SNX17: variants seen among roughly 807,000 people sequenced by gnomAD.
SNX17 encodes the protein sorting nexin 17, also known as sorting nexin-17.
SNX17 carries 35 observed loss-of-function variants against 64.3 expected under a neutral mutation model. The observed-to-expected ratio is 0.54, with a 90% CI of 0.42 to 0.72. SNX17 has a LOEUF of 0.72. Among genes scored for constraint, SNX17 ranks in the 30% least tolerant of loss-of-function variants. SNX17 has a pLI of 0.00. For missense variants in SNX17, 538 were observed against 610.0 expected (o/e 0.88, Z 1.24); for synonymous variants, 259 against 230.2 (o/e 1.13, Z -1.13).
At chr2:27,372,109 C>T (rs1682666110) in intron 2 of SNX17, among the ~76,000 whole-genome samples, 1 of 152,186 alleles carries the variant, frequency 6.6e-6, no homozygotes, top group African/African-American at 2.4e-5. Context: ...GTCTCAAACT[C>T]CTGACCTCAG....
chr2:27,376,102 TC>T lies in SNX17; in HGVS notation c.1105-3del, dbSNP rs1683188524. The T allele has an allele frequency of 6.2e-7, 1 of 1,614,050 alleles. No homozygotes were observed. The highest frequency in any genetic ancestry group is 8.5e-7 in the Non-Finnish European group (1 of 1,180,024). On this transcript the variant is annotated splice_polypyrimidine_tract_variant and splice_region_variant and intron_variant, in intron 11 of 14. Coordinates refer to ENST00000233575, the MANE Select transcript of SNX17 (RefSeq NM_014748.4). ...ATCAAGCTGGACACTCTTCTTGCCC[TC>T]AGGCTATCATGATGAGCATCTGCTT...
rs1265230927 is a variant in SNX17, at chr2:27,375,297, C to T, written c.774+144C>T. 1 of 897,946 alleles carries T rather than the reference C, an allele frequency of 1.1e-6. No homozygotes were observed. The highest frequency in any genetic ancestry group is 1.7e-6 in the Non-Finnish European group (1 of 588,496). The allele number at this position is 897,946 out of a possible 1,614,324, so 55.6% of individuals were successfully genotyped here. A position where few individuals can be genotyped will look rare whatever the true frequency, so the allele number is the denominator to read the frequency against. ...GGGACTACAGGCACCCGCCACGACG[C>T]CCGGCTAATTTTTTGTATTTTTGGG... On this transcript the variant is annotated intron_variant, in intron 9 of 14. Coordinates refer to ENST00000233575, the MANE Select transcript of SNX17 (RefSeq NM_014748.4). This position sits in a 1 kb window ranked among gnomAD's most constrained non-coding sequence, Gnocchi z 4.1.
Position 27,377,164 on chromosome 2 carries a change from T to C in SNX17, c.*445T>C. 2.3e-6 allele frequency: 1 copy of C among 427,406 alleles called. No individual in the cohort carries two copies. The highest frequency in any genetic ancestry group is 4.4e-6 in the Non-Finnish European group (1 of 228,770). 26.5% of individuals were successfully genotyped at this position (427,406 alleles called of 1,614,324 possible). On this transcript the variant is annotated 3_prime_UTR_variant, in exon 15 of 15. Transcript: ENST00000233575. This position sits in a 1 kb window ranked among gnomAD's most constrained non-coding sequence, Gnocchi z 4.4. ...CCTCTCACTGCCCCTGCTTCCCCCA[T>C]CACAGCATGGACTACTATGCTAAGG...
In SNX17 at chr2:27,377,352, G is replaced by GGGCC; in HGVS notation, c.*634_*637dup. The GGGCC allele has an allele frequency of 1.4e-6, 1 of 715,822 alleles. No individual in the cohort carries two copies. The highest frequency in any genetic ancestry group is 2.5e-6 in the Non-Finnish European group (1 of 397,900). The allele number at this position is 715,822 out of a possible 1,614,324, so 44.3% of individuals were successfully genotyped here. A position where few individuals can be genotyped will look rare whatever the true frequency, so the allele number is the denominator to read the frequency against. On this transcript the variant is annotated 3_prime_UTR_variant, in exon 15 of 15. Transcript: ENST00000233575. The surrounding 1 kb of genome is among the most constrained non-coding windows in gnomAD (Gnocchi z 4.4). ...CCTGGGGGCAGTGGAGGTGAATACA[G>GGGCC]GGCCCTTCTCACTGAGCTCGTGAAG...
Position 27,374,406 on chromosome 2 carries a change from A to C in SNX17, c.584A>C (p.Gln195Pro). The part of the protein sequence containing the change: ...PYVSVTSLRS[Q>P]EYKIVLRKSY... The stretch of plus-strand genomic sequence containing the variant: ...GTGTCTGTCACCAGCCTTCGGAGTC[A>C]AGAGTATAAGATTGTGCTAAGGAAG... The change falls in exon 7 of 15, where the codon CAA (glutamine) becomes CCA (proline). Residue 195 changes from glutamine (Q) to proline (P), a missense_variant. Physicochemically the swap from Gln to Pro is moderately conservative, Grantham distance 76. This residue lies in a region of SNX17 where 505 missense variants were observed against 550.4 expected (regional missense o/e 0.92). Coordinates refer to ENST00000233575, the MANE Select transcript of SNX17 (RefSeq NM_014748.4). 1 of 1,613,900 alleles carries C rather than the reference A, an allele frequency of 6.2e-7. No homozygotes were observed. The highest frequency in any genetic ancestry group is 1.1e-5 in the South Asian group (1 of 91,062).
chr2:27,370,899 C>T (rs562451801), intron 1 of SNX17, 93 bp downstream of exon 1: 1 of 1,394,078 alleles, frequency 7.2e-7, no homozygotes, highest in East Asian at 2.5e-5. Flanking sequence ...TGACCGCCAC[C>T]CTTCGGGCCT....
intron 2 of SNX17, 83 bp downstream of exon 2, chr2:27,371,426 T>C (rs996669418): frequency 2.0e-6 from 3 of 1,510,778 alleles, no homozygotes; most frequent in African/African-American, 2.8e-5. Flanking sequence ...CCCGCTCTTC[T>C]TGTTCCCGTA....
In SNX17 at chr2:27,370,719, C is replaced by T; in HGVS notation, c.-25C>T. 1 of 1,541,870 alleles carries T rather than the reference C, an allele frequency of 6.5e-7. No homozygotes were observed. Among genetic ancestry groups the T allele is most frequent in the Non-Finnish European group, 8.8e-7 (1 of 1,141,376 alleles). On this transcript the variant is annotated 5_prime_UTR_variant, in exon 1 of 15. Coordinates refer to ENST00000233575, the MANE Select transcript of SNX17 (RefSeq NM_014748.4). ...CGCTGCGGCCCTCACAGTCCGGAGC[C>T]CGGCCGTGCCGTGCCGTAGGGAACA...
At position 27,375,379 on chromosome 2, in the gene SNX17, C is replaced by T. The variant is rs1683085135; in HGVS notation, c.775-127C>T. On this transcript the variant is annotated intron_variant, in intron 9 of 14. Transcript: ENST00000233575. The surrounding 1 kb of genome is among the most constrained non-coding windows in gnomAD (Gnocchi z 4.1). ...GGTCTTGAGCTCCTGACCTTGTGAT[C>T]TGTCTGCCTCTGCCTCCTAAAGTGC... is the stretch of plus-strand genomic sequence containing the variant. 3.0e-6 allele frequency: 3 copies of T among 986,390 alleles called. No individual in the cohort carries two copies. Among genetic ancestry groups the T allele is most frequent in the Admixed American group, 4.1e-5 (2 of 48,522 alleles). 61.1% of individuals were successfully genotyped at this position (986,390 alleles called of 1,614,324 possible).
Position 27,372,715 on chromosome 2 carries a change from G to A in SNX17, c.231G>A (p.Glu77=), listed in dbSNP as rs1024318958. The A allele has an allele frequency of 6.2e-7, 1 of 1,614,110 alleles. No individual in the cohort carries two copies. The highest frequency in any genetic ancestry group is 1.3e-5 in the African/African-American group (1 of 74,948). ...CTGCTGAGGTAGAACAGAGGAGAGAGCAGTTAGAGAAGTACATGCAAGCTG... is the reference window on the plus strand; with the variant it reads ...CTGCTGAGGTAGAACAGAGGAGAGAACAGTTAGAGAAGTACATGCAAGCTG... ...LTPAEVEQRR[E]QLEKYMQAVR... The change falls in exon 3 of 15, where the codon GAG becomes GAA. Residue 77 remains glutamate, a synonymous_variant. Transcript: ENST00000233575.
At chr2:27,370,842 G>A in intron 1 of SNX17, 36 bp downstream of exon 1, 1 of 1,530,568 alleles carries the variant, frequency 6.5e-7, no homozygotes, top group Non-Finnish European at 8.8e-7. Context: ...GGCCGGGCAG[G>A]GGCGGGGATA....
Position 27,375,463 on chromosome 2 carries a change from A to C in SNX17, c.775-43A>C. 3 of 1,604,652 alleles carry C rather than the reference A, an allele frequency of 1.9e-6. No homozygotes were observed. The highest frequency in any genetic ancestry group is 2.6e-6 in the Non-Finnish European group (3 of 1,172,472). ...GGGGTTGCTTTTTCTGAGCTGCCCC[A>C]TTCTCCCTCCTAATCTACCCCCATG... On this transcript the variant is annotated intron_variant, in intron 9 of 14. Coordinates refer to ENST00000233575, the MANE Select transcript of SNX17 (RefSeq NM_014748.4). This position sits in a 1 kb window ranked among gnomAD's most constrained non-coding sequence, Gnocchi z 4.1.
Position 27,376,624 on chromosome 2 carries a change from A to C in SNX17, c.1318A>C (p.Ser440Arg). 1.9e-6 allele frequency: 3 copies of C among 1,614,194 alleles called. No homozygotes were observed. Among genetic ancestry groups the C allele is most frequent in the Non-Finnish European group, 2.5e-6 (3 of 1,180,024 alleles). The change falls in exon 15 of 15, where the codon AGC (serine) becomes CGC (arginine). Residue 440 changes from serine (S) to arginine (R), a missense_variant. Transcript: ENST00000233575. ...GTTACAGAGTAAGCTGAGTGCCGTG[A>C]GCTTGCGGGGAATTGGCAGTCCCAG... The part of the protein sequence containing the change: ...VKLSSKLSAV[S>R]LRGIGSPSTD...
rs548239200 is a variant in SNX17, at chr2:27,375,756, A to C, written c.978+47A>C. The C allele has an allele frequency of 1.2e-6, 2 of 1,611,690 alleles. No homozygotes were observed. Among genetic ancestry groups the C allele is most frequent in the South Asian group, 2.2e-5 (2 of 91,038 alleles). On this transcript the variant is annotated intron_variant, in intron 10 of 14. Transcript: ENST00000233575. The surrounding 1 kb of genome is among the most constrained non-coding windows in gnomAD (Gnocchi z 4.1). ...AAGGGCCTGGGTTGGGGGCCCGGCA[A>C]GCCTTGAGCTTAGGTATGGGCTGCA...
chr2:27,370,693 C>T lies in SNX17; in HGVS notation c.-51C>T, dbSNP rs1223201009. 6.6e-7 allele frequency: 1 copy of T among 1,511,484 alleles called. No individual in the cohort carries two copies. The highest frequency in any genetic ancestry group is 2.5e-5 in the East Asian group (1 of 40,040). The allele number at this position is 1,511,484 out of a possible 1,614,324, so 93.6% of individuals were successfully genotyped here. ...AGCAGCGGAGGGGGAGCGTGCAGAG[C>T]CGCTGCGGCCCTCACAGTCCGGAGC... On this transcript the variant is annotated 5_prime_UTR_variant, in exon 1 of 15. Coordinates refer to ENST00000233575, the MANE Select transcript of SNX17 (RefSeq NM_014748.4).
chr2:27,375,856 C>T lies in SNX17; in HGVS notation c.989C>T (p.Pro330Leu). 6.2e-7 allele frequency: 1 copy of T among 1,614,052 alleles called. No individual in the cohort carries two copies. The highest frequency in any genetic ancestry group is 8.5e-7 in the Non-Finnish European group (1 of 1,179,984). Residue 330 changes from proline (P) to leucine (L), a missense_variant, in exon 11 of 15, where the codon CCC (proline) becomes CTC (leucine). This residue lies in a region of SNX17 where 505 missense variants were observed against 550.4 expected (regional missense o/e 0.92). Transcript: ENST00000233575. The surrounding 1 kb of genome is among the most constrained non-coding windows in gnomAD (Gnocchi z 4.1). ...CWRVTSSVPL[P>L]SGSTSSPGRG... ...CCCTTCCTCTCCCAGGTACCATTGC[C>T]CAGTGGAAGCACGAGCAGCCCAGGC...
chr2:27,376,262 G>A, intron 12 of SNX17, 51 bp from the exon 13 acceptor site: 1 of 1,612,696 alleles, frequency 6.2e-7, no homozygotes, highest in Non-Finnish European at 8.5e-7. Context: ...CTTGTCTTGA[G>A]AGGGAGGGGA....
intron 3 of SNX17, 83 bp from the exon 4 acceptor site, chr2:27,373,164 G>T: frequency 1.2e-6 from 2 of 1,609,324 alleles, no homozygotes; most frequent in Non-Finnish European, 1.7e-6. Context: ...AGGAAATGGG[G>T]TCGGGGGAAC....
At chr2:27,374,885 T>C in intron 8 of SNX17, 127 bp downstream of exon 8, 1 of 1,006,216 alleles carries the variant, frequency 9.9e-7, no homozygotes, top group Non-Finnish European at 1.6e-6. Context: ...CTATCAGTGC[T>C]GCTGGCACAA....
Sources: gnomAD v4.1 joint callset for allele counts (sites outside exome capture counted in the v4.1 genomes callset) on GRCh38, gnomAD v4.1.1 for gene constraint, gnomAD v4.1.1 regional missense constraint, Gnocchi (gnomAD v3.1) non-coding constraint, MANE v1.5 for transcripts, NCBI Gene and HGNC (gene_info 2026-07-23, HGNC 2026-07-21) for gene names.